Variants in SPAG16 observed in about 807,000 individuals in gnomAD.
SPAG16 encodes sperm-associated antigen 16 protein.
A neutral mutation model predicts 80.4 loss-of-function variants in SPAG16; 86 were observed. The ratio of observed to expected loss-of-function variants is 1.07; its 90% CI spans 0.90 to 1.28. SPAG16 has a LOEUF of 1.28. Among genes scored for constraint, SPAG16 ranks in the 50% most tolerant of loss-of-function variants. The pLI is 0.00. For missense variants in SPAG16, 870 were observed against 765.3 expected (o/e 1.14, Z -1.61); for synonymous variants, 294 against 265.9 (o/e 1.11, Z -1.03).
chr2:213,774,267 G>A (rs537084795), intron 10 of SPAG16, among the ~76,000 whole-genome samples: 1 of 152,278 alleles, frequency 6.6e-6, no homozygotes, highest in South Asian at 2.1e-4. Flanking sequence ...CAGTTCTGTA[G>A]GTTAGAAGTT....
At chr2:213,456,749 T>G (rs2072039832) in intron 9 of SPAG16, among the ~76,000 whole-genome samples, 1 of 152,184 alleles carries the variant, frequency 6.6e-6, no homozygotes, top group Non-Finnish European at 1.5e-5. Flanking sequence ...TTTTGAATTG[T>G]GACTTACAGT....
At chr2:213,399,547 A>G (rs1010251246) in intron 9 of SPAG16, among the ~76,000 whole-genome samples, 2 of 152,022 alleles carry the variant, frequency 1.3e-5, no homozygotes, top group Non-Finnish European at 2.9e-5. Flanking sequence ...TTTGAGTTAC[A>G]TAACACTGGA....
chr2:213,859,935 A>G (rs75705913), intron 10 of SPAG16, among the ~76,000 whole-genome samples: 20 of 152,324 alleles, frequency 1.3e-4, no homozygotes, highest in African/African-American at 4.6e-4. Flanking sequence ...CTAAGCATTT[A>G]GTACCAGGTA....
At chr2:214,110,663 G>A (rs2053618775) in intron 14 of SPAG16, among the ~76,000 whole-genome samples, 1 of 152,174 alleles carries the variant, frequency 6.6e-6, no homozygotes, top group African/African-American at 2.4e-5. Flanking sequence ...GTAATGGGAT[G>A]GCTGGGTCAA....
At chr2:214,057,930 T>C (rs535546211) in intron 13 of SPAG16, among the ~76,000 whole-genome samples, 1 of 152,234 alleles carries the variant, frequency 6.6e-6, no homozygotes, top group African/African-American at 2.4e-5. Context: ...GAAGGTTTTT[T>C]TTTTTCCTCT....
intron 10 of SPAG16, among the ~76,000 whole-genome samples, chr2:213,547,755 T>A (rs893305443): frequency 1.3e-5 from 2 of 152,206 alleles, no homozygotes; most frequent in African/African-American, 4.8e-5. Context: ...AATATATTTT[T>A]TCGTATCCTT....
At chr2:214,178,539 A>G (rs1211475255) in intron 15 of SPAG16, among the ~76,000 whole-genome samples, 1 of 151,264 alleles carries the variant, frequency 6.6e-6, no homozygotes. Flanking sequence ...TTGAGTGAAT[A>G]GAGTGAATCA....
intron 15 of SPAG16, among the ~76,000 whole-genome samples, chr2:214,358,159 A>G (rs1157713745): frequency 6.6e-6 from 1 of 151,842 alleles, no homozygotes; most frequent in Non-Finnish European, 1.5e-5. Context: ...CCATGTAAAA[A>G]GCATTCCCTG....
intron 9 of SPAG16, among the ~76,000 whole-genome samples, chr2:213,447,436 T>G (rs998762559): frequency 1.3e-5 from 2 of 152,244 alleles, no homozygotes; most frequent in African/African-American, 4.8e-5. Flanking sequence ...CTCACATCCA[T>G]GATTCTGAAC....
At chr2:213,982,610 GGT>G (rs57529616) in intron 12 of SPAG16, among the ~76,000 whole-genome samples, 8,376 of 141,820 alleles carry the variant, frequency 0.059, 271 homozygotes, top group African/African-American at 0.093. Flanking sequence ...TATAGTTTCT[GGT>G]GTGTGTGTGT....
intron 10 of SPAG16, among the ~76,000 whole-genome samples, chr2:213,712,532 G>T (rs1329790530): frequency 6.6e-6 from 1 of 152,150 alleles, no homozygotes; most frequent in Non-Finnish European, 1.5e-5. Context: ...TATTCTGGCA[G>T]TATCACACCC....
At chr2:214,078,366 A>T (rs760448674) in intron 13 of SPAG16, among the ~76,000 whole-genome samples, 13 of 152,154 alleles carry the variant, frequency 8.5e-5, no homozygotes, top group Non-Finnish European at 1.8e-4. Flanking sequence ...CAGCTTGGAC[A>T]ACATAGTGAA....
At chr2:213,431,968 CAT>C (rs1360766309) in intron 9 of SPAG16, among the ~76,000 whole-genome samples, 9 of 151,962 alleles carry the variant, frequency 5.9e-5, no homozygotes, top group African/African-American at 2.2e-4. Flanking sequence ...TATAGAAATA[CAT>C]AGCAATTTAA....
At chr2:213,689,573 G>A (rs116719977) in intron 10 of SPAG16, among the ~76,000 whole-genome samples, 2,326 of 112,786 alleles carry the variant, frequency 0.021, 31 homozygotes, top group Middle Eastern at 0.094. Context: ...CTTCAAAAGT[G>A]TGACCTCTCT....
At chr2:213,678,491 C>T (rs2064214362) in intron 10 of SPAG16, among the ~76,000 whole-genome samples, 1 of 152,152 alleles carries the variant, frequency 6.6e-6, no homozygotes, top group African/African-American at 2.4e-5. Flanking sequence ...CTACAAACAC[C>T]TCTACACAAA....
At chr2:213,822,147 C>T (rs779944416) in intron 10 of SPAG16, among the ~76,000 whole-genome samples, 1 of 152,178 alleles carries the variant, frequency 6.6e-6, no homozygotes, top group Non-Finnish European at 1.5e-5. Flanking sequence ...AGTGGTTGTA[C>T]TACTTTACAT....
At chr2:213,675,761 C>T (rs1406575143) in intron 10 of SPAG16, among the ~76,000 whole-genome samples, 1 of 151,950 alleles carries the variant, frequency 6.6e-6, no homozygotes, top group East Asian at 1.9e-4. Flanking sequence ...GTTTTGGTAC[C>T]AGTACCATGC....
In SPAG16 at chr2:213,949,179, T is replaced by TTTTTTTTTTTTTGTTTTG. The variant is rs1553677672; in HGVS notation, c.1400+19046_1400+19047insGTTTTGTTTTTTTTTTTT. 4.1e-3 allele frequency among the ~76,000 whole-genome samples: 150 copies of TTTTTTTTTTTTTGTTTTG among 36,228 alleles called. 3 individuals carry two copies. Among genetic ancestry groups the TTTTTTTTTTTTTGTTTTG allele is most frequent in the Non-Finnish European group, 7.1e-3 (129 of 18,222 alleles). 23.8% of individuals were successfully genotyped at this position (36,228 alleles called of 152,430 possible). The stretch of plus-strand genomic sequence containing the variant: ...TACTTAATTACAACAGTTTTTTTTT[T>TTTTTTTTTTTTTGTTTTG]TTTTTTTTTTTTTTGAGGTAGAGTC... On this transcript the variant is annotated intron_variant, in intron 12 of 15. Transcript: ENST00000331683.
At chr2:213,794,536 G>A (rs2070903746) in intron 10 of SPAG16, among the ~76,000 whole-genome samples, 1 of 151,852 alleles carries the variant, frequency 6.6e-6, no homozygotes, top group Non-Finnish European at 1.5e-5. Flanking sequence ...TATATCATTT[G>A]TTTTAAACTT....
Sources: gnomAD v4.1 joint callset for allele counts (sites outside exome capture counted in the v4.1 genomes callset) on GRCh38, gnomAD v4.1.1 for gene constraint, MANE v1.5 for transcripts, NCBI Gene and HGNC (gene_info 2026-07-23, HGNC 2026-07-21) for gene names.